HS6ST3: variants seen among roughly 807,000 people sequenced by gnomAD.
HS6ST3 encodes the protein heparan-sulfate 6-O-sulfotransferase 3.
Under a neutral mutation model 36.7 loss-of-function variants are expected in HS6ST3, and 12 were observed. That is an observed-to-expected ratio of 0.33 (90% confidence interval 0.21 to 0.53). The LOEUF is 0.53. HS6ST3 is among the 20% of genes least tolerant of loss of function. The pLI is 0.95. For missense variants in HS6ST3, 584 were observed against 640.9 expected (o/e 0.91, Z 0.96); for synonymous variants, 240 against 257.5 (o/e 0.93, Z 0.65).
At chr13:96,314,579 G>T (rs930610698) in intron 1 of HS6ST3, among the ~76,000 whole-genome samples, 1 of 152,056 alleles carries the variant, frequency 6.6e-6, no homozygotes. Context: ...TTTGGAGAGG[G>T]TAGATATTTT....
At chr13:96,378,780 G>A (rs2055326713) in intron 1 of HS6ST3, among the ~76,000 whole-genome samples, 1 of 152,092 alleles carries the variant, frequency 6.6e-6, no homozygotes, top group Non-Finnish European at 1.5e-5. Flanking sequence ...TGTGCTCACA[G>A]GCATACCTCT....
chr13:96,664,494 T>C (rs1042426476), intron 1 of HS6ST3, among the ~76,000 whole-genome samples: 13 of 152,132 alleles, frequency 8.5e-5, no homozygotes, highest in Non-Finnish European at 1.6e-4. Context: ...GTCTCTAACT[T>C]TAGCTGAATA....
intron 1 of HS6ST3, among the ~76,000 whole-genome samples, chr13:96,654,733 T>G (rs2056618847): frequency 6.6e-6 from 1 of 152,110 alleles, no homozygotes; most frequent in Admixed American, 6.6e-5. Context: ...GTATGAAATA[T>G]TTTTAATTTT....
At chr13:96,776,650 C>T (rs1241510683) in intron 1 of HS6ST3, among the ~76,000 whole-genome samples, 3 of 152,032 alleles carry the variant, frequency 2.0e-5, no homozygotes, top group Non-Finnish European at 2.9e-5. Flanking sequence ...AGGAAGAAGT[C>T]GAATCCCTGA....
Position 96,394,555 on chromosome 13 carries a change from G to A in HS6ST3, c.707+302986G>A, listed in dbSNP as rs940405869. Among the ~76,000 whole-genome samples, 6 of 152,100 alleles carry A rather than the reference G, an allele frequency of 3.9e-5. 1 individual carries two copies. The highest frequency in any genetic ancestry group is 4.1e-4 in the South Asian group (2 of 4,822). On this transcript the variant is annotated intron_variant, in intron 1 of 1. Coordinates refer to ENST00000376705, the MANE Select transcript of HS6ST3 (RefSeq NM_153456.4). The stretch of plus-strand genomic sequence containing the variant: ...TTTTGTAAAGCAATACCTAGCATTC[G>A]ATAAATTAACTTTAGAGGTGTTATG...
intron 1 of HS6ST3, among the ~76,000 whole-genome samples, chr13:96,106,086 GAAATTATTTTTGATTCAATATA>G (rs1470163748): frequency 1.3e-5 from 2 of 152,176 alleles, no homozygotes; most frequent in Non-Finnish European, 2.9e-5. Flanking sequence ...CTAGGCTGAG[GAAATTATTTTTGATTCAATATA>G]AAATTTAGAA....
intron 1 of HS6ST3, among the ~76,000 whole-genome samples, chr13:96,273,453 A>G (rs1349525403): frequency 6.6e-6 from 1 of 151,942 alleles, no homozygotes; most frequent in East Asian, 1.9e-4. Context: ...ATAATTTTTC[A>G]TTCCAACCAG....
chr13:96,366,626 G>A (rs1042173655), intron 1 of HS6ST3, among the ~76,000 whole-genome samples: 6 of 151,948 alleles, frequency 3.9e-5, no homozygotes, highest in Non-Finnish European at 8.8e-5. Flanking sequence ...CCATGCCCAA[G>A]ATGCACCCCA....
At chr13:96,280,614 A>C (rs2389631) in intron 1 of HS6ST3, among the ~76,000 whole-genome samples, 63,221 of 152,026 alleles carry the variant, frequency 0.42, 14,024 homozygotes, top group African/African-American at 0.57. Flanking sequence ...ATCAATATAA[A>C]ATGAGTTATG....
At chr13:96,438,835 G>T (rs1566361296) in intron 1 of HS6ST3, among the ~76,000 whole-genome samples, 1 of 152,188 alleles carries the variant, frequency 6.6e-6, no homozygotes, top group Non-Finnish European at 1.5e-5. Flanking sequence ...GGAGGCCGAA[G>T]TGGATGGATC....
intron 1 of HS6ST3, among the ~76,000 whole-genome samples, chr13:96,223,562 G>A (rs1402971830): frequency 2.0e-5 from 3 of 152,112 alleles, no homozygotes; most frequent in Admixed American, 6.5e-5. Context: ...TGACATTCAC[G>A]GATGGACCAG....
chr13:96,707,638 T>C (rs1875461264), intron 1 of HS6ST3, among the ~76,000 whole-genome samples: 1 of 151,828 alleles, frequency 6.6e-6, no homozygotes, highest in African/African-American at 2.4e-5. Flanking sequence ...AGTGTGCATA[T>C]TGAGTGTGCT....
chr13:96,219,760 T>C (rs554755399), intron 1 of HS6ST3, among the ~76,000 whole-genome samples: 1 of 152,252 alleles, frequency 6.6e-6, no homozygotes, highest in South Asian at 2.1e-4. Context: ...CTTGGCTCAC[T>C]GCAACCTCCG....
chr13:96,090,256 G>A lies in HS6ST3; in HGVS notation c.-607G>A, dbSNP rs1455318537. 3.3e-5 allele frequency among the ~76,000 whole-genome samples: 5 copies of A among 151,588 alleles called. No individual in the cohort carries two copies. The East Asian group carries it at 7.8e-4, about 24-fold the overall frequency. The stretch of plus-strand genomic sequence containing the variant: ...CTCGCCCGCTGCCGCTGCGCTGCGG[G>A]GGCCGCTCTGCAAACTTGCGGCGAG... On this transcript the variant is annotated 5_prime_UTR_variant, in exon 1 of 2. Transcript: ENST00000376705.
At chr13:96,710,218 C>T (rs1875526758) in intron 1 of HS6ST3, among the ~76,000 whole-genome samples, 1 of 152,138 alleles carries the variant, frequency 6.6e-6, no homozygotes, top group African/African-American at 2.4e-5. Context: ...AAAAAGACAG[C>T]CAAAGAAAAT....
chr13:96,341,360 A>G (rs1265584771), intron 1 of HS6ST3, among the ~76,000 whole-genome samples: 3 of 152,224 alleles, frequency 2.0e-5, no homozygotes, highest in Admixed American at 6.5e-5. Flanking sequence ...CTTGAACCAC[A>G]TCAGTCTTAA....
chr13:96,351,486 ATG>A (rs2055184184), intron 1 of HS6ST3, among the ~76,000 whole-genome samples: 1 of 151,870 alleles, frequency 6.6e-6, no homozygotes, highest in African/African-American at 2.4e-5. Flanking sequence ...AAATTTTTCT[ATG>A]TTTTGTAGAG....
intron 1 of HS6ST3, among the ~76,000 whole-genome samples, chr13:96,683,305 G>A (rs1158355438): frequency 1.3e-5 from 2 of 152,076 alleles, no homozygotes; most frequent in African/African-American, 2.4e-5. Context: ...CTCAGTGACA[G>A]TACCATGATA....
intron 1 of HS6ST3, among the ~76,000 whole-genome samples, chr13:96,353,647 A>G (rs1470160325): frequency 3.3e-5 from 5 of 152,146 alleles, no homozygotes; most frequent in Non-Finnish European, 7.4e-5. Context: ...TGGAAAATGT[A>G]TCATAAGTAA....
Sources: allele counts gnomAD v4.1 joint callset (sites outside exome capture counted in the v4.1 genomes callset), GRCh38; gene constraint gnomAD v4.1.1; transcripts MANE v1.5; gene names NCBI Gene and HGNC (gene_info 2026-07-23, HGNC 2026-07-21).